Variants in AKAP9 observed in about 807,000 individuals in gnomAD.
The protein encoded by AKAP9 is A-kinase anchoring protein 9.
A neutral mutation model predicts 488.5 loss-of-function variants in AKAP9; 311 were observed. That is an observed-to-expected ratio of 0.64 (90% CI 0.58 to 0.70). The LOEUF is 0.70. Among genes scored for constraint, AKAP9 ranks in the 30% least tolerant of loss-of-function variants. The pLI is 0.00. For synonymous variants in AKAP9, 1,462 were observed against 1,483.5 expected (o/e 0.99, Z 0.33); for missense variants, 4,215 against 4,374.5 (o/e 0.96, Z 1.03).
chr7:92,008,531 C>CA (rs1352052904), intron 8 of AKAP9, among the ~76,000 whole-genome samples: 1 of 148,312 alleles, frequency 6.7e-6, no homozygotes, highest in Non-Finnish European at 1.5e-5. Flanking sequence ...ACTAAAAATA[C>CA]AAAAAATCAG....
intron 24 of AKAP9, among the ~76,000 whole-genome samples, chr7:92,064,654 C>T (rs1047254981): frequency 6.6e-6 from 1 of 152,122 alleles, no homozygotes; most frequent in Non-Finnish European, 1.5e-5. Flanking sequence ...CCTTGATTCA[C>T]ATACATGTGA....
chr7:91,944,088 G>A (rs1446808553), intron 1 of AKAP9, among the ~76,000 whole-genome samples: 1 of 151,934 alleles, frequency 6.6e-6, no homozygotes, highest in Non-Finnish European at 1.5e-5. Context: ...TGTATAAAAT[G>A]TTTTATACTA....
chr7:92,074,110 C>A (rs891602263), intron 28 of AKAP9, among the ~76,000 whole-genome samples: 4 of 152,058 alleles, frequency 2.6e-5, no homozygotes, highest in African/African-American at 9.7e-5. Context: ...AAAATTTTTG[C>A]AATCTATCCA....
intron 43 of AKAP9, among the ~76,000 whole-genome samples, chr7:92,099,019 C>T (rs990798149): frequency 3.3e-5 from 5 of 152,176 alleles, no homozygotes; most frequent in African/African-American, 1.2e-4. Context: ...AGGCACATTC[C>T]AAACTGAACA....
chr7:92,027,994 C>G (rs1697588985), intron 14 of AKAP9, among the ~76,000 whole-genome samples: 1 of 151,946 alleles, frequency 6.6e-6, no homozygotes, highest in South Asian at 2.1e-4. Context: ...AACCTTACCC[C>G]CAACCCCGTG....
At chr7:92,031,817 A>G (rs1347355248) in intron 16 of AKAP9, among the ~76,000 whole-genome samples, 2 of 152,228 alleles carry the variant, frequency 1.3e-5, no homozygotes, top group Non-Finnish European at 1.5e-5. Context: ...TAGACTAGTA[A>G]TTAGAAGCTT....
intron 17 of AKAP9, 34 bp downstream of exon 17, chr7:92,038,806 T>G (rs1204357363): frequency 3.5e-6 from 5 of 1,435,646 alleles, no homozygotes; most frequent in Non-Finnish European, 3.9e-6. Flanking sequence ...AAAAACTTAT[T>G]TAAAAATTGT....
chr7:92,069,979 T>G (rs1323784416), intron 26 of AKAP9, 51 bp from the exon 27 acceptor site: 2 of 1,540,654 alleles, frequency 1.3e-6, no homozygotes, highest in Non-Finnish European at 8.9e-7. Context: ...CTATACTAAC[T>G]AGCTTGCTGA....
rs1813243568 is a variant in AKAP9 at position 92,079,989 on chromosome 7, A to G, written c.7856A>G (p.His2619Arg). 6.4e-7 allele frequency: 1 copy of G among 1,570,260 alleles called. No homozygotes were observed. Reference protein sequence around the residue: ...SELESQVVEMHTSLILEKEQV... With the variant: ...SELESQVVEMRTSLILEKEQV... ...TTAGAAAGCCAGGTTGTTGAAATGC[A>G]TACTAGTTTGATTTTAGAAAAAGAA... The change falls in exon 31 of 50, where the codon CAT becomes CGT. Residue 2619 changes from histidine (H) to arginine (R), a missense_variant. By Grantham distance (29) the His-to-Arg change is conservative (BLOSUM62 0). Around this residue, in one of 5 missense-constraint regions of AKAP9, gnomAD observed 1,476 missense variants for 1,477.4 expected, o/e 1.00. Coordinates refer to ENST00000356239, the MANE Select transcript of AKAP9 (RefSeq NM_005751.5).
chr7:92,036,594 C>T (rs1356924061), intron 16 of AKAP9, among the ~76,000 whole-genome samples: 3 of 152,170 alleles, frequency 2.0e-5, no homozygotes, highest in Non-Finnish European at 2.9e-5. Flanking sequence ...ATTATATCCT[C>T]CTGGAACTCT....
intron 1 of AKAP9, among the ~76,000 whole-genome samples, chr7:91,970,987 C>A (rs566164335): frequency 1.3e-5 from 2 of 151,930 alleles, no homozygotes; most frequent in Admixed American, 1.3e-4. Context: ...GAAAAACAGG[C>A]GGTGACATGG....
chr7:92,083,295 A>C lies in AKAP9; in HGVS notation c.8286A>C (p.Lys2762Asn), dbSNP rs144875383. 1.1e-3 allele frequency: 1,711 copies of C among 1,614,146 alleles called. 1 individual carries two copies. The highest frequency in any genetic ancestry group is 1.3e-3 in the Non-Finnish European group (1,537 of 1,180,024). The change falls in exon 33 of 50, where the codon AAA becomes AAC. Residue 2762 changes from lysine to asparagine, a missense_variant. Lys to Asn is a moderately conservative substitution (Grantham distance 94, BLOSUM62 0). This residue lies in a region of AKAP9 where 1,476 missense variants were observed against 1,477.4 expected (regional missense o/e 1.00). Transcript: ENST00000356239. ...KEDETEVQES[K>N]KACMFEPLPI... ...ATGAGACTGAGGTACAAGAAAGCAA[A>C]AAGGCCTGCATGTTTGAGCCACTTC...
At chr7:92,082,683 C>G in intron 32 of AKAP9, 21 bp downstream of exon 32, 1 of 1,612,866 alleles carries the variant, frequency 6.2e-7, no homozygotes, top group Non-Finnish European at 8.5e-7. Context: ...TAACATAGCT[C>G]CTAATTCACT....
At chr7:91,964,467 C>T (rs889679706) in intron 1 of AKAP9, among the ~76,000 whole-genome samples, 1 of 152,118 alleles carries the variant, frequency 6.6e-6, no homozygotes, top group East Asian at 1.9e-4. Context: ...TATCCTGATC[C>T]AGTATTAAAA....
chr7:92,092,201 G>T (rs536747444), intron 38 of AKAP9: 1 of 152,176 alleles, frequency 6.6e-6, no homozygotes, highest in South Asian at 2.1e-4. Context: ...AACATACTGA[G>T]GCATTTAAAA....
At chr7:91,967,360 A>C (rs1250624126) in intron 1 of AKAP9, among the ~76,000 whole-genome samples, 3 of 152,108 alleles carry the variant, frequency 2.0e-5, no homozygotes, top group African/African-American at 4.8e-5. Context: ...GTTGCATGAA[A>C]GTGGACCTCC....
chr7:91,992,253 T>G, intron 4 of AKAP9, 42 bp downstream of exon 4: 1 of 1,428,530 alleles, frequency 7.0e-7, no homozygotes, highest in East Asian at 2.3e-5. Flanking sequence ...TGTTGGATAC[T>G]ATTTAAAATC....
rs747994823 is a variant in AKAP9, at chr7:92,076,968, C to T, written c.6726C>T (p.Thr2242=). ...AAATACAGAAAAAGGAATCTACTAC[C>T]CGCCTACAAGAACTTGAACAGGAAA... ...QLEIQKKEST[T]RLQELEQENK... Residue 2242 remains threonine (T), a synonymous_variant, in exon 29 of 50, where the codon ACC becomes ACT. Transcript: ENST00000356239. 1 of 1,579,656 alleles carries T rather than the reference C, an allele frequency of 6.3e-7. No individual in the cohort carries two copies. The highest frequency in any genetic ancestry group is 8.6e-7 in the Non-Finnish European group (1 of 1,157,490).
intron 7 of AKAP9, among the ~76,000 whole-genome samples, chr7:91,998,532 T>G (rs1291387723): frequency 6.7e-6 from 1 of 149,048 alleles, no homozygotes; most frequent in Non-Finnish European, 1.5e-5. Flanking sequence ...TAAATTTGTG[T>G]TGTTTAACGG....
Sources: gnomAD v4.1 joint callset for allele counts (sites outside exome capture counted in the v4.1 genomes callset) on GRCh38, gnomAD v4.1.1 for gene constraint, gnomAD v4.1.1 regional missense constraint, MANE v1.5 for transcripts, NCBI Gene and HGNC (gene_info 2026-07-23, HGNC 2026-07-21) for gene names.